Variants in LGALS8 observed in about 807,000 individuals in gnomAD.
The protein encoded by LGALS8 is galectin-8.
A neutral mutation model predicts 35.9 loss-of-function variants in LGALS8; 30 were observed. The ratio of observed to expected loss-of-function variants is 0.83; its 90% CI spans 0.62 to 1.13. The LOEUF (loss-of-function observed/expected upper bound fraction) is 1.13. Among genes scored for constraint, LGALS8 ranks in the 50% most tolerant of loss-of-function variants. LGALS8 has a pLI of 0.00. For synonymous variants in LGALS8, 138 were observed against 136.1 expected (o/e 1.01, Z -0.10); for missense variants, 366 against 388.7 (o/e 0.94, Z 0.49).
intron 2 of LGALS8, among the ~76,000 whole-genome samples, chr1:236,534,030 C>T (rs550531544): frequency 7.9e-5 from 12 of 152,274 alleles, no homozygotes; most frequent in South Asian, 2.1e-4. Flanking sequence ...CCAGATATAG[C>T]GGCTGCCCCC....
intron 8 of LGALS8, 83 bp from the exon 9 acceptor site, chr1:236,544,667 C>T (rs1662247127): frequency 2.9e-6 from 3 of 1,027,320 alleles, no homozygotes; most frequent in Non-Finnish European, 4.2e-6. Context: ...TAGTTCAAGT[C>T]TGGTCACTAA....
chr1:236,543,232 C>T (rs1662130969), intron 7 of LGALS8: 2 of 635,624 alleles, frequency 3.1e-6, no homozygotes, highest in Admixed American at 5.2e-5. Context: ...CACCTCCCTG[C>T]TTGGCTGCTT....
intron 2 of LGALS8, among the ~76,000 whole-genome samples, chr1:236,532,900 T>C (rs564712027): frequency 6.6e-6 from 1 of 152,294 alleles, no homozygotes; most frequent in South Asian, 2.1e-4. Context: ...CTTTGTCATG[T>C]ATTTAGTGGC....
At chr1:236,523,925 C>T (rs1474127360), upstream of LGALS8, 7 of 358,360 alleles carry the variant, frequency 2.0e-5, no homozygotes, top group Non-Finnish European at 3.9e-5. Context: ...GTGAGGCGCG[C>T]GAGCCGGGAA....
chr1:236,543,736 A>C, intron 8 of LGALS8, 88 bp downstream of exon 8: 6 of 900,608 alleles, frequency 6.7e-6, no homozygotes, highest in Non-Finnish European at 1.1e-5. Flanking sequence ...GAGCTGGAAG[A>C]AGGGCTAGCG....
At position 236,537,579 on chromosome 1, in the gene LGALS8, C is replaced by G. The variant is rs756858698; in HGVS notation, c.128C>G (p.Ala43Gly). 1 of 1,596,918 alleles carries G rather than the reference C, an allele frequency of 6.3e-7. No individual in the cohort carries two copies. The highest frequency in any genetic ancestry group is 1.7e-5 in the Admixed American group (1 of 59,994). ...ATACGTGGGCATGTTCCTAGTGACG[C>G]AGACAGGTAAAATCACTGTGCTAAA... is the stretch of plus-strand genomic sequence containing the variant. The part of the protein sequence containing the change: ...IVIRGHVPSD[A>G]DRFQVDLQNG... Residue 43 changes from alanine (A) to glycine (G), a missense_variant, in exon 3 of 10, where the codon GCA becomes GGA. Transcript: ENST00000366584.
At chr1:236,524,456 G>C (rs1480655600) in intron 1 of LGALS8, 1 of 456,444 alleles carries the variant, frequency 2.2e-6, no homozygotes, top group Non-Finnish European at 4.4e-6. Flanking sequence ...ATCTGGGGAA[G>C]TTTCCTTCCC....
At chr1:236,536,282 C>G (rs781128470) in intron 2 of LGALS8, 1 of 152,182 alleles carries the variant, frequency 6.6e-6, no homozygotes, top group African/African-American at 2.4e-5. Context: ...TGAGGCTTAA[C>G]GGTGTGTGGG....
Position 236,541,697 on chromosome 1 carries a change from T to A in LGALS8, c.509T>A (p.Ile170Lys). ...GCATCTAGTCTGGAACTGACAGAGA[T>A]AAGTAGAGAAAATGTAAATATTAAA... ...TQASSLELTE[I>K]SRENVPKSGT... Residue 170 changes from isoleucine (I) to lysine (K), a missense_variant, in exon 6 of 10, where the codon ATA (isoleucine) becomes AAA (lysine). Ile to Lys is a moderately radical substitution (Grantham distance 102). Coordinates refer to ENST00000366584, the MANE Select transcript of LGALS8 (RefSeq NM_201544.4). 1 of 1,509,078 alleles carries A rather than the reference T, an allele frequency of 6.6e-7. No homozygotes were observed. Among genetic ancestry groups the A allele is most frequent in the African/African-American group, 1.4e-5 (1 of 71,532 alleles). 93.5% of individuals were successfully genotyped at this position (1,509,078 alleles called of 1,614,324 possible).
chr1:236,539,044 A>G lies in LGALS8; in HGVS notation c.300A>G (p.Glu100=), dbSNP rs373859622. The G allele has an allele frequency of 7.4e-6, 12 of 1,614,016 alleles. No homozygotes were observed. The African/African-American group carries it at 1.2e-4, about 16-fold the overall frequency. Residue 100 remains glutamate, a synonymous_variant, in exon 4 of 10, where the codon GAA becomes GAG. Transcript: ENST00000366584. Reference sequence around the variant, plus strand: ...CCTATGACACGCCTTTCAAAAGAGAAAAGTCTTTTGAGATCGTGATTATGG... The same window carrying G: ...CCTATGACACGCCTTTCAAAAGAGAGAAGTCTTTTGAGATCGTGATTATGG... The part of the protein sequence containing the change: ...EITYDTPFKR[E]KSFEIVIMVL...
At chr1:236,537,304 C>T (rs554634642) in intron 2 of LGALS8, among the ~76,000 whole-genome samples, 193 bp from the exon 3 acceptor site, 3 of 152,220 alleles carry the variant, frequency 2.0e-5, no homozygotes, top group East Asian at 3.9e-4. Flanking sequence ...CGTGAGCCAC[C>T]GCGCCCGGCC....
At position 236,548,821 on chromosome 1, in the gene LGALS8, C is replaced by T; in HGVS notation, c.*660C>T. On this transcript the variant is annotated 3_prime_UTR_variant, in exon 10 of 10. Transcript: ENST00000366584. ...GTGGCTCTATTAGCTGCAAGCTTTA[C>T]CAAGTAATTGGCATGACATCTGAGC... The T allele has an allele frequency of 2.5e-6, 1 of 397,446 alleles. No individual in the cohort carries two copies. The highest frequency in any genetic ancestry group is 4.4e-6 in the Non-Finnish European group (1 of 225,596). 24.6% of individuals were successfully genotyped at this position (397,446 alleles called of 1,614,324 possible).
intron 2 of LGALS8, among the ~76,000 whole-genome samples, chr1:236,535,460 ACT>A (rs1661427533): frequency 6.6e-6 from 1 of 152,122 alleles, no homozygotes; most frequent in African/African-American, 2.4e-5. Context: ...TCTATAGATT[ACT>A]TTCTCACTTA....
intron 9 of LGALS8, among the ~76,000 whole-genome samples, chr1:236,546,063 A>G (rs1662343009): frequency 6.6e-6 from 1 of 152,206 alleles, no homozygotes; most frequent in Non-Finnish European, 1.5e-5. Context: ...GATCTGCTAT[A>G]TTAATATAAA....
chr1:236,550,922 G>C lies in LGALS8; in HGVS notation c.*2761G>C, dbSNP rs573400289. ...AAGTCTTAGAAATAGCTCTGGAGTGGCTCTCCCAGGACAGTTTCCAGTTGC... is the reference window on the plus strand; with the variant it reads ...AAGTCTTAGAAATAGCTCTGGAGTGCCTCTCCCAGGACAGTTTCCAGTTGC... On this transcript the variant is annotated 3_prime_UTR_variant, in exon 10 of 10. Coordinates refer to ENST00000366584, the MANE Select transcript of LGALS8 (RefSeq NM_201544.4). 5.6e-6 allele frequency: 9 copies of C among 1,607,038 alleles called. No homozygotes were observed. The highest frequency in any genetic ancestry group is 4.5e-5 in the East Asian group (2 of 44,786).
Position 236,550,856 on chromosome 1 carries a change from ATATGAGT to A in LGALS8, c.*2696_*2702del. 7.0e-7 allele frequency: 1 copy of A among 1,424,524 alleles called. No individual in the cohort carries two copies. The highest frequency in any genetic ancestry group is 9.6e-7 in the Non-Finnish European group (1 of 1,039,588). The allele number at this position is 1,424,524 out of a possible 1,614,324, so 88.2% of individuals were successfully genotyped here. ...CAACACCCAAAAATAAAAATATGAA[ATATGAGT>A]GTGAACTCTGAGTAGAGTATGAAAC... On this transcript the variant is annotated 3_prime_UTR_variant, in exon 10 of 10. Transcript: ENST00000366584.
chr1:236,528,381 C>CAA (rs71178325), intron 2 of LGALS8, among the ~76,000 whole-genome samples: 2 of 80,030 alleles, frequency 2.5e-5, no homozygotes, highest in Non-Finnish European at 5.4e-5. Flanking sequence ...GACTCCATCT[C>CAA]AAAAAAAAAA....
intron 2 of LGALS8, among the ~76,000 whole-genome samples, chr1:236,528,598 C>A (rs1228981940): frequency 7.8e-6 from 1 of 128,494 alleles, no homozygotes; most frequent in African/African-American, 2.9e-5. Flanking sequence ...GTCATCCAGG[C>A]TGGAGTGGAG....
chr1:236,519,282 T>A (rs575337304), upstream of LGALS8, among the ~76,000 whole-genome samples: 1 of 151,752 alleles, frequency 6.6e-6, no homozygotes, highest in East Asian at 1.9e-4. Flanking sequence ...TCCCAGCTAC[T>A]TGGGAGGCTG....
Sources: gnomAD v4.1 joint callset for allele counts (sites outside exome capture counted in the v4.1 genomes callset) on GRCh38, gnomAD v4.1.1 for gene constraint, MANE v1.5 for transcripts, NCBI Gene and HGNC (gene_info 2026-07-23, HGNC 2026-07-21) for gene names.